The following GORASP2 variants were observed in gnomAD, a reference collection of about 807,000 sequenced individuals.
The protein encoded by GORASP2 is Golgi reassembly-stacking protein 2.
A neutral mutation model predicts 45.7 loss-of-function variants in GORASP2; 22 were observed. The ratio of observed to expected loss-of-function variants is 0.48; its 90% CI spans 0.34 to 0.69. The LOEUF (loss-of-function observed/expected upper bound fraction) is 0.69. GORASP2 is among the 30% of genes least tolerant of loss of function. The pLI is 0.01. For missense variants in GORASP2, 491 were observed against 562.7 expected (o/e 0.87, Z 1.29); for synonymous variants, 221 against 215.6 (o/e 1.02, Z -0.22).
At chr2:170,955,226 C>T (rs1415166684) in intron 6 of GORASP2, among the ~76,000 whole-genome samples, 1 of 152,042 alleles carries the variant, frequency 6.6e-6, no homozygotes, top group Non-Finnish European at 1.5e-5. Flanking sequence ...GTGAAAAAAA[C>T]CATGTCCTGG....
chr2:170,940,699 G>A (rs1285584799), intron 1 of GORASP2, among the ~76,000 whole-genome samples: 2 of 151,818 alleles, frequency 1.3e-5, no homozygotes, highest in Admixed American at 6.6e-5. Context: ...TATCTTGTAG[G>A]ACAGCTTTTC....
chr2:170,954,087 G>A (rs1323429884), intron 5 of GORASP2: 3 of 152,344 alleles, frequency 2.0e-5, no homozygotes, highest in African/African-American at 7.2e-5. Flanking sequence ...GGTGGCAGTG[G>A]GAGGATGAAA....
intron 1 of GORASP2, among the ~76,000 whole-genome samples, chr2:170,946,644 A>G (rs1325509162): frequency 1.3e-5 from 2 of 151,736 alleles, no homozygotes; most frequent in Non-Finnish European, 2.9e-5. Context: ...TTCAAGATGG[A>G]CTTTTGGCCG....
At chr2:170,939,076 C>A (rs965005841) in intron 1 of GORASP2, among the ~76,000 whole-genome samples, 10 of 152,036 alleles carry the variant, frequency 6.6e-5, no homozygotes, top group African/African-American at 2.4e-4. Context: ...GAAACAAATC[C>A]CTAAGTTATT....
At chr2:170,954,419 G>A in intron 5 of GORASP2, 1 of 485,820 alleles carries the variant, frequency 2.1e-6, no homozygotes, top group Non-Finnish European at 3.7e-6. Context: ...CCACAGTGGA[G>A]GGCAGGGTGT....
At chr2:170,965,638 G>T (rs889908453) in intron 9 of GORASP2, 152 bp from the exon 10 acceptor site, 2 of 633,870 alleles carry the variant, frequency 3.2e-6, no homozygotes, top group East Asian at 2.7e-5. Flanking sequence ...CCCTGCCAGG[G>T]CCTCTATCTG....
intron 1 of GORASP2, among the ~76,000 whole-genome samples, chr2:170,944,875 A>C (rs1704149859): frequency 6.6e-6 from 1 of 152,198 alleles, no homozygotes; most frequent in African/African-American, 2.4e-5. Flanking sequence ...GGGCTTTATT[A>C]GATGAGAAAC....
chr2:170,954,456 CCT>C (rs1224550472), intron 5 of GORASP2, 192 bp from the exon 6 acceptor site: 2 of 546,440 alleles, frequency 3.7e-6, no homozygotes, highest in East Asian at 3.0e-5. Context: ...GTCTGGGAGA[CCT>C]CTGCTTAGAT....
intron 1 of GORASP2, 68 bp from the exon 2 acceptor site, chr2:170,948,282 G>T (rs538473072): frequency 1.0e-4 from 86 of 861,586 alleles, no homozygotes; most frequent in Non-Finnish European, 1.5e-4. Flanking sequence ...TTACTGAAAA[G>T]AGAGATTCGG....
intron 1 of GORASP2, among the ~76,000 whole-genome samples, chr2:170,943,651 G>T (rs1302659437): frequency 1.3e-5 from 2 of 152,062 alleles, no homozygotes; most frequent in Non-Finnish European, 2.9e-5. Flanking sequence ...TTTTTTCACT[G>T]TATATAATCT....
intron 1 of GORASP2, among the ~76,000 whole-genome samples, chr2:170,931,601 T>C (rs893900715): frequency 6.6e-6 from 1 of 152,252 alleles, no homozygotes; most frequent in Non-Finnish European, 1.5e-5. Flanking sequence ...AAAAACTTAA[T>C]ATGATTGACT....
chr2:170,957,357 A>G (rs1704450473), intron 7 of GORASP2, among the ~76,000 whole-genome samples: 2 of 151,946 alleles, frequency 1.3e-5, no homozygotes, highest in African/African-American at 4.8e-5. Context: ...GCTCACTGCA[A>G]CCTCTGCCTC....
chr2:170,947,287 G>A (rs1292635653), intron 1 of GORASP2, among the ~76,000 whole-genome samples: 2 of 152,232 alleles, frequency 1.3e-5, no homozygotes, highest in East Asian at 3.9e-4. Context: ...CTCTATTTCT[G>A]TCCACACTAC....
chr2:170,944,766 A>G (rs554054095), intron 1 of GORASP2, among the ~76,000 whole-genome samples: 113 of 152,298 alleles, frequency 7.4e-4, no homozygotes, highest in Non-Finnish European at 1.3e-3. Flanking sequence ...CTCAGTGGCA[A>G]AGTCTGAAAT....
At chr2:170,942,923 G>A (rs928027846) in intron 1 of GORASP2, among the ~76,000 whole-genome samples, 6 of 152,112 alleles carry the variant, frequency 3.9e-5, no homozygotes, top group Admixed American at 2.0e-4. Context: ...AGTATCTTGC[G>A]GTTTTATTGT....
At chr2:170,963,802 C>T (rs184788251) in intron 9 of GORASP2, among the ~76,000 whole-genome samples, 243 of 152,154 alleles carry the variant, frequency 1.6e-3, no homozygotes, top group Non-Finnish European at 2.9e-3. Flanking sequence ...ACCACCACAC[C>T]TGGCTAATTT....
chr2:170,933,522 A>G (rs1703875696), intron 1 of GORASP2, among the ~76,000 whole-genome samples: 1 of 152,222 alleles, frequency 6.6e-6, no homozygotes, highest in Non-Finnish European at 1.5e-5. Context: ...ATTGTGTTTC[A>G]AACACCCTGT....
In GORASP2 at chr2:170,965,953, C is replaced by G; in HGVS notation, c.1182C>G (p.Pro394=). The change falls in exon 10 of 10, where the codon CCC becomes CCG. Residue 394 remains proline (P), a synonymous_variant. Transcript: ENST00000234160. ...LSSLPPTSNA[P]SDPATTTAKA... Reference sequence around the variant, plus strand: ...CCCTCCCGCCCACCAGCAACGCACCCTCCGACCCTGCCACAACTACTGCAA... The same window carrying G: ...CCCTCCCGCCCACCAGCAACGCACCGTCCGACCCTGCCACAACTACTGCAA... 6.2e-6 allele frequency: 10 copies of G among 1,614,008 alleles called. No homozygotes were observed. Among genetic ancestry groups the G allele is most frequent in the Non-Finnish European group, 8.5e-6 (10 of 1,179,984 alleles).
In GORASP2 at chr2:170,929,723, A is replaced by AC. The variant is rs538622930; in HGVS notation, c.63+327dup. ...TTCCGCACGGCCTTCTCTCTCCTCC[A>AC]CCCCCCCTCATTTTTAGCTTCCAAA... On this transcript the variant is annotated intron_variant, in intron 1 of 9. Transcript: ENST00000234160. 675 of 573,040 alleles carry AC rather than the reference A, an allele frequency of 1.2e-3. 9 individuals carry two copies. The highest frequency in any genetic ancestry group is 6.1e-4 in the Non-Finnish European group (180 of 295,648). The allele number at this position is 573,040 out of a possible 1,614,324, so 35.5% of individuals were successfully genotyped here.
Sources: allele counts gnomAD v4.1 joint callset (sites outside exome capture counted in the v4.1 genomes callset), GRCh38; gene constraint gnomAD v4.1.1; transcripts MANE v1.5; gene names NCBI Gene and HGNC (gene_info 2026-07-23, HGNC 2026-07-21).